MIS18BP1: variants seen among roughly 807,000 people sequenced by gnomAD.
MIS18BP1 encodes the protein mis18-binding protein 1.
MIS18BP1 carries 72 observed loss-of-function variants against 116.1 expected under a neutral mutation model. The observed-to-expected ratio is 0.62, with a 90% confidence interval of 0.51 to 0.75. The LOEUF (loss-of-function observed/expected upper bound fraction) is 0.75. MIS18BP1 is among the 30% of genes least tolerant of loss of function. MIS18BP1 has a pLI of 0.00. For missense variants in MIS18BP1, 1,363 were observed against 1,303.2 expected (o/e 1.05, Z -0.71); for synonymous variants, 386 against 427.0 (o/e 0.90, Z 1.18).
intron 2 of MIS18BP1, among the ~76,000 whole-genome samples, 160 bp from the exon 3 acceptor site, chr14:45,243,034 T>C (rs185233009): frequency 6.6e-6 from 1 of 152,154 alleles, no homozygotes; most frequent in Non-Finnish European, 1.5e-5. Flanking sequence ...ATTTTTATAT[T>C]TTTGGCTGTA....
chr14:45,230,817 C>T (rs555712490), intron 8 of MIS18BP1, among the ~76,000 whole-genome samples: 23 of 152,108 alleles, frequency 1.5e-4, no homozygotes, highest in African/African-American at 4.3e-4. Context: ...GACAGGGTCT[C>T]GTCATGTTAT....
intron 2 of MIS18BP1, among the ~76,000 whole-genome samples, chr14:45,243,857 T>G (rs1043856429): frequency 2.6e-5 from 4 of 152,190 alleles, no homozygotes; most frequent in Non-Finnish European, 5.9e-5. Context: ...ATACAAAATT[T>G]GTGTTTCTAT....
At chr14:45,216,884 C>T in intron 13 of MIS18BP1, 135 bp downstream of exon 13, 1 of 893,152 alleles carries the variant, frequency 1.1e-6, no homozygotes, top group East Asian at 2.6e-5. Flanking sequence ...ACATTGTTTG[C>T]CATAAGACTA....
At chr14:45,252,853 CTT>C (rs1169710904) in intron 1 of MIS18BP1, among the ~76,000 whole-genome samples, 180 bp downstream of exon 1, 1 of 152,126 alleles carries the variant, frequency 6.6e-6, no homozygotes, top group Non-Finnish European at 1.5e-5. Flanking sequence ...GTTCTACTCT[CTT>C]AAGTACAGTA....
At chr14:45,246,384 C>G (rs1891722154) in intron 2 of MIS18BP1, among the ~76,000 whole-genome samples, 2 of 152,136 alleles carry the variant, frequency 1.3e-5, no homozygotes, top group African/African-American at 4.8e-5. Flanking sequence ...CTAGATCATC[C>G]TTCCCCATTC....
At chr14:45,229,919 G>T (rs1891229469) in intron 8 of MIS18BP1, among the ~76,000 whole-genome samples, 1 of 152,192 alleles carries the variant, frequency 6.6e-6, no homozygotes, top group African/African-American at 2.4e-5. Context: ...AGGAACTAGG[G>T]CAATGGTAAG....
chr14:45,252,217 G>C (rs1178891190), intron 1 of MIS18BP1, among the ~76,000 whole-genome samples: 1 of 152,064 alleles, frequency 6.6e-6, no homozygotes, highest in African/African-American at 2.4e-5. Context: ...GTTCACTGCA[G>C]CATAAAATGA....
At position 45,246,798 on chromosome 14, in the gene MIS18BP1, T is replaced by G; in HGVS notation, c.489A>C (p.Leu163=). 6.3e-7 allele frequency: 1 copy of G among 1,584,716 alleles called. No individual in the cohort carries two copies. The highest frequency in any genetic ancestry group is 8.5e-7 in the Non-Finnish European group (1 of 1,172,436). The part of the protein sequence containing the change: ...VEKKKLQHTY[L]CEEKENNKSF... ...ATTTGTTGTTTTCCTTTTCTTCACATAGGTAGGTATGCTGCAATTTTTTTT... is the reference window on the plus strand; with the variant it reads ...ATTTGTTGTTTTCCTTTTCTTCACAGAGGTAGGTATGCTGCAATTTTTTTT... Residue 163 remains leucine, a synonymous_variant, in exon 2 of 17, where the codon CTA becomes CTC. Coordinates refer to ENST00000310806, the MANE Select transcript of MIS18BP1 (RefSeq NM_018353.5).
At position 45,224,138 on chromosome 14, in the gene MIS18BP1, A is replaced by C. The variant is rs147881413; in HGVS notation, c.2449T>G (p.Leu817Val). Residue 817 changes from leucine (L) to valine (V), a missense_variant, in exon 11 of 17, where the codon TTG (leucine) becomes GTG (valine). Coordinates refer to ENST00000310806, the MANE Select transcript of MIS18BP1 (RefSeq NM_018353.5). The stretch of plus-strand genomic sequence containing the variant: ...TCACTTTCTTCAGTTTCAGGTTCCA[A>C]AATCACTGGAATATTACTTGTGTTT... ...TRNTSNIPVI[L>V]EPETEESENE... The C allele has an allele frequency of 1.8e-4, 291 of 1,613,246 alleles. No homozygotes were observed. The highest frequency in any genetic ancestry group is 2.4e-4 in the Non-Finnish European group (278 of 1,179,900).
chr14:45,223,860 T>A, intron 11 of MIS18BP1, 58 bp downstream of exon 11: 1 of 1,277,034 alleles, frequency 7.8e-7, no homozygotes, highest in African/African-American at 1.5e-5. Context: ...TATTTTTATG[T>A]CTTTAACTGT....
intron 11 of MIS18BP1, among the ~76,000 whole-genome samples, chr14:45,221,996 T>G (rs1227690966): frequency 6.6e-6 from 1 of 152,236 alleles, no homozygotes; most frequent in Non-Finnish European, 1.5e-5. Flanking sequence ...ATTTGTAATG[T>G]CTTTCTTTAT....
chr14:45,227,552 A>G, intron 9 of MIS18BP1, 111 bp downstream of exon 9: 2 of 836,530 alleles, frequency 2.4e-6, no homozygotes, highest in Non-Finnish European at 3.3e-6. Context: ...CTCAAAAGAA[A>G]AAAAAAAAAA....
rs758220471 is a variant in MIS18BP1, at chr14:45,224,342, G to A, written c.2245C>T (p.Pro749Ser). Reference sequence around the variant, plus strand: ...TGATTTTCTATTTTCTTCAATTTTGGTAATAGTCTGGTATTTTTCTTAAAG... The same window carrying A: ...TGATTTTCTATTTTCTTCAATTTTGATAATAGTCTGGTATTTTTCTTAAAG... ...SDFKKNTRLL[P>S]KLKKIENQVA... The change falls in exon 11 of 17, where the codon CCA becomes TCA. Residue 749 changes from proline to serine, a missense_variant. Physicochemically the swap from Pro to Ser is moderately conservative, Grantham distance 74. Coordinates refer to ENST00000310806, the MANE Select transcript of MIS18BP1 (RefSeq NM_018353.5). The A allele has an allele frequency of 1.9e-6, 3 of 1,613,772 alleles. No homozygotes were observed. The highest frequency in any genetic ancestry group is 2.2e-5 in the East Asian group (1 of 44,846).
rs754049568 is a variant in MIS18BP1 at position 45,224,565 on chromosome 14, G to A, written c.2022C>T (p.Thr674=). 6 of 1,612,606 alleles carry A rather than the reference G, an allele frequency of 3.7e-6. No homozygotes were observed. The highest frequency in any genetic ancestry group is 1.7e-5 in the Admixed American group (1 of 59,792). ...RCMRYNLSAG[T]IKAVTDFVIP... ...TTACAAAATCTGTTACTGCTTTGAT[G>A]GTGCCAGCGGACAGATTATACCTCA... The change falls in exon 11 of 17, where the codon ACC becomes ACT. Residue 674 remains threonine (T), a synonymous_variant. Coordinates refer to ENST00000310806, the MANE Select transcript of MIS18BP1 (RefSeq NM_018353.5).
chr14:45,210,671 G>A, intron 13 of MIS18BP1, 143 bp from the exon 14 acceptor site: 2 of 938,022 alleles, frequency 2.1e-6, no homozygotes, highest in Middle Eastern at 3.3e-4. Context: ...ACGTAGAGGA[G>A]TAGAGGCTAG....
rs200663005 is a variant in MIS18BP1 at position 45,224,072 on chromosome 14, C to A, written c.2515G>T (p.Val839Phe). 1 of 1,613,450 alleles carries A rather than the reference C, an allele frequency of 6.2e-7. No individual in the cohort carries two copies. The highest frequency in any genetic ancestry group is 1.3e-5 in the African/African-American group (1 of 74,888). ...YIKQKKARPS[V>F]KETLQKSGVR... Reference sequence around the variant, plus strand: ...CCAGACTTCTGAAGAGTTTCTTTGACGGAAGGTCTAGCTTTCTTTTGTTTG... The same window carrying A: ...CCAGACTTCTGAAGAGTTTCTTTGAAGGAAGGTCTAGCTTTCTTTTGTTTG... The change falls in exon 11 of 17, where the codon GTC becomes TTC. Residue 839 changes from valine to phenylalanine, a missense_variant. Transcript: ENST00000310806.
At chr14:45,216,887 T>C (rs1276509449) in intron 13 of MIS18BP1, 132 bp downstream of exon 13, 13 of 928,142 alleles carry the variant, frequency 1.4e-5, no homozygotes, top group Non-Finnish European at 2.1e-5. Context: ...TTGTTTGCCA[T>C]AAGACTATGA....
chr14:45,235,949 G>GA lies in MIS18BP1; in HGVS notation c.1218-6dup, dbSNP rs545162390. 661 of 1,555,512 alleles carry GA rather than the reference G, an allele frequency of 4.2e-4. No homozygotes were observed. The highest frequency in any genetic ancestry group is 1.0e-3 in the South Asian group (87 of 83,476). ...CAATATATGTTAGTGACGTCTCTAG[G>GA]AAAAAAAAATAGTTTTGGTAAGGTC... On this transcript the variant is annotated splice_region_variant and splice_polypyrimidine_tract_variant and intron_variant, in intron 5 of 16. Transcript: ENST00000310806.
intron 10 of MIS18BP1, among the ~76,000 whole-genome samples, chr14:45,225,952 TAATC>T (rs755006294): frequency 4.0e-4 from 61 of 152,238 alleles, no homozygotes; most frequent in Non-Finnish European, 7.6e-4. Flanking sequence ...AAAAAGGTAA[TAATC>T]AAAATAATTT....
Sources: allele counts gnomAD v4.1 joint callset (sites outside exome capture counted in the v4.1 genomes callset), GRCh38; gene constraint gnomAD v4.1.1; transcripts MANE v1.5; gene names NCBI Gene and HGNC (gene_info 2026-07-23, HGNC 2026-07-21).